Variants in CDKAL1 observed in about 807,000 individuals in gnomAD.
The protein encoded by CDKAL1 is CDKAL1 threonylcarbamoyladenosine tRNA methylthiotransferase.
A neutral mutation model predicts 68.2 loss-of-function variants in CDKAL1; 32 were observed. The ratio of observed to expected loss-of-function variants is 0.47; its 90% CI spans 0.35 to 0.63. The LOEUF (loss-of-function observed/expected upper bound fraction) is 0.63, where lower values mean the gene tolerates loss of function less well. Among genes scored for constraint, CDKAL1 ranks in the 30% least tolerant of loss-of-function variants. The pLI is 0.00. For synonymous variants in CDKAL1, 234 were observed against 244.3 expected, an observed-to-expected ratio of 0.96 and a Z score of 0.39; for missense variants, 606 against 696.7, an observed-to-expected ratio of 0.87 and a Z score of 1.47.
At chr6:20,578,405 GGA>G (rs1765001936) in intron 4 of CDKAL1, among the ~76,000 whole-genome samples, 1 of 151,978 alleles carries the variant, frequency 6.6e-6, no homozygotes, top group South Asian at 2.1e-4. Context: ...CTTGTTCTTG[GGA>G]GTCATATGAA....
At chr6:21,127,469 G>T (rs969964790) in intron 13 of CDKAL1, among the ~76,000 whole-genome samples, 1 of 152,162 alleles carries the variant, frequency 6.6e-6, no homozygotes, top group African/African-American at 2.4e-5. Flanking sequence ...ATGTAAAAAG[G>T]CCAGGCACAG....
intron 8 of CDKAL1, among the ~76,000 whole-genome samples, chr6:20,834,600 C>G (rs1372329039): frequency 1.3e-5 from 2 of 152,164 alleles, no homozygotes; most frequent in East Asian, 1.9e-4. Context: ...CGTATCAATG[C>G]TGTATTTTCT....
chr6:20,918,811 A>G (rs972897628), intron 9 of CDKAL1, among the ~76,000 whole-genome samples: 4 of 152,200 alleles, frequency 2.6e-5, no homozygotes, highest in Non-Finnish European at 5.9e-5. Flanking sequence ...TTAAGAAAAC[A>G]CTGATCAATT....
intron 11 of CDKAL1, among the ~76,000 whole-genome samples, chr6:21,009,354 A>G (rs940618462): frequency 6.6e-6 from 1 of 152,218 alleles, no homozygotes; most frequent in African/African-American, 2.4e-5. Context: ...TATACATGCC[A>G]TCTCCTGGAC....
At chr6:20,992,561 T>C (rs1766885721) in intron 10 of CDKAL1, among the ~76,000 whole-genome samples, 1 of 152,130 alleles carries the variant, frequency 6.6e-6, no homozygotes, top group South Asian at 2.1e-4. Context: ...AAATGATATA[T>C]TTAATAAATT....
At chr6:20,798,917 CAAAAAA>C (rs200034795) in intron 8 of CDKAL1, among the ~76,000 whole-genome samples, 7 of 103,202 alleles carry the variant, frequency 6.8e-5, no homozygotes, top group Admixed American at 1.9e-4. Context: ...TATAATAATA[CAAAAAA>C]AAAAAAAAAA....
chr6:20,596,558 GC>G (rs1765833334), intron 4 of CDKAL1, among the ~76,000 whole-genome samples: 1 of 152,190 alleles, frequency 6.6e-6, no homozygotes, highest in Non-Finnish European at 1.5e-5. Context: ...TGCTGTGCTG[GC>G]AGTGCGAATT....
intron 13 of CDKAL1, among the ~76,000 whole-genome samples, chr6:21,144,341 A>G (rs946198789): frequency 6.6e-6 from 1 of 152,242 alleles, no homozygotes; most frequent in Non-Finnish European, 1.5e-5. Flanking sequence ...TCCCTGCAGC[A>G]GAGTAAAGTC....
At chr6:20,631,454 A>G (rs895790441) in intron 4 of CDKAL1, among the ~76,000 whole-genome samples, 3 of 152,118 alleles carry the variant, frequency 2.0e-5, no homozygotes, top group African/African-American at 7.2e-5. Context: ...CACTCTTTGT[A>G]TTAGCCTTGT....
chr6:20,915,863 T>A (rs1391472412), intron 9 of CDKAL1, among the ~76,000 whole-genome samples: 1 of 152,062 alleles, frequency 6.6e-6, no homozygotes, highest in Admixed American at 6.6e-5. Flanking sequence ...GGAGTACTAC[T>A]CAGTGGTAAA....
At chr6:21,043,991 A>G (rs905352474) in intron 11 of CDKAL1, among the ~76,000 whole-genome samples, 2 of 152,236 alleles carry the variant, frequency 1.3e-5, no homozygotes, top group South Asian at 4.1e-4. Flanking sequence ...GGAGCTACAT[A>G]CATAGATTGA....
chr6:20,557,131 G>A (rs1362948739), intron 4 of CDKAL1, among the ~76,000 whole-genome samples: 1 of 151,366 alleles, frequency 6.6e-6, no homozygotes, highest in African/African-American at 2.4e-5. Flanking sequence ...CTGACATTAA[G>A]GTTTCTGACT....
intron 11 of CDKAL1, among the ~76,000 whole-genome samples, chr6:21,041,011 AT>A (rs1403563313): frequency 2.0e-5 from 3 of 152,146 alleles, no homozygotes; most frequent in African/African-American, 7.2e-5. Context: ...CTTAACACTT[AT>A]TTTTCTCTCC....
chr6:21,000,230 A>G lies in CDKAL1; in HGVS notation c.913A>G (p.Met305Val). 1.2e-6 allele frequency: 2 copies of G among 1,607,354 alleles called. No individual in the cohort carries two copies. The highest frequency in any genetic ancestry group is 1.3e-5 in the African/African-American group (1 of 74,848). The change falls in exon 11 of 16, where the codon ATG becomes GTG. Residue 305 changes from methionine (M) to valine (V), a missense_variant. Coordinates refer to ENST00000274695, the MANE Select transcript of CDKAL1 (RefSeq NM_017774.3). ...PPYILEHLEE[M>V]AKILNHPRVY... is the part of the protein sequence containing the mutation. ...TTTCTCCTTCCATTTTTTTAAGGAA[A>G]TGGCAAAAATCCTTAATCACCCCAG... is the stretch of plus-strand genomic sequence containing the variant.
chr6:21,181,401 A>C (rs933093923), intron 13 of CDKAL1, among the ~76,000 whole-genome samples: 11 of 152,162 alleles, frequency 7.2e-5, no homozygotes, highest in Non-Finnish European at 1.5e-4. Context: ...TGTTGTTATC[A>C]TGGGAGTGGT....
Position 20,980,681 on chromosome 6 carries a change from T to C in CDKAL1, c.910-19546T>C, listed in dbSNP as rs377170272. Among the ~76,000 whole-genome samples, 662 of 152,020 alleles carry C rather than the reference T, an allele frequency of 4.4e-3. 5 individuals are homozygous for C. The highest frequency in any genetic ancestry group is 0.015 in the African/African-American group (632 of 41,438). On this transcript the variant is annotated intron_variant, in intron 10 of 15. Coordinates refer to ENST00000274695, the MANE Select transcript of CDKAL1 (RefSeq NM_017774.3). ...GGGGTGAATAGGCATGAGAACTCCT[T>C]ATGTTGCTTAAAAAAGGCAACTTCA... is the stretch of plus-strand genomic sequence containing the variant.
At chr6:21,015,818 C>T (rs964271912) in intron 11 of CDKAL1, among the ~76,000 whole-genome samples, 3 of 151,714 alleles carry the variant, frequency 2.0e-5, no homozygotes, top group South Asian at 2.1e-4. Context: ...TCCCATGGCG[C>T]GCGCCTATAA....
chr6:20,640,905 A>G (rs1027019725), intron 4 of CDKAL1, among the ~76,000 whole-genome samples: 1 of 152,218 alleles, frequency 6.6e-6, no homozygotes. Flanking sequence ...TGAAAAAATG[A>G]ATGTGACAGG....
At chr6:20,844,976 C>T (rs903337689) in intron 8 of CDKAL1, among the ~76,000 whole-genome samples, 13 of 152,046 alleles carry the variant, frequency 8.6e-5, no homozygotes, top group Admixed American at 6.6e-4. Flanking sequence ...ATTATGTGGT[C>T]GGTTAAATAG....
Sources: gnomAD v4.1 joint callset for allele counts (sites outside exome capture counted in the v4.1 genomes callset) on GRCh38, gnomAD v4.1.1 for gene constraint, MANE v1.5 for transcripts, NCBI Gene and HGNC (gene_info 2026-07-23, HGNC 2026-07-21) for gene names.